Variants in RCAN2 observed in about 807,000 individuals in gnomAD.
RCAN2 encodes calcipressin-2.
A neutral mutation model predicts 23.6 loss-of-function variants in RCAN2; 9 were observed. The ratio of observed to expected loss-of-function variants is 0.38; its 90% confidence interval spans 0.23 to 0.67. RCAN2 has a LOEUF of 0.67. Ranked by LOEUF, RCAN2 falls within the 30% of genes least tolerant of loss-of-function variation. The pLI, the probability that RCAN2 is intolerant of heterozygous loss-of-function variation, is 0.51. For synonymous variants in RCAN2, 109 were observed against 115.7 expected, an observed-to-expected ratio of 0.94 and a Z score of 0.37; for missense variants, 273 against 302.3, an observed-to-expected ratio of 0.90 and a Z score of 0.72.
intron 2 of RCAN2, among the ~76,000 whole-genome samples, chr6:46,364,471 A>G (rs761721835): frequency 1.3e-5 from 2 of 152,092 alleles, no homozygotes; most frequent in African/African-American, 2.4e-5. Context: ...CATATCTCCA[A>G]GTTCTCCAAT....
At chr6:46,364,081 G>A (rs1235639894) in intron 2 of RCAN2, among the ~76,000 whole-genome samples, 1 of 152,152 alleles carries the variant, frequency 6.6e-6, no homozygotes, top group African/African-American at 2.4e-5. Context: ...TGACCTGAAA[G>A]GGTGTGTTCC....
intron 1 of RCAN2, among the ~76,000 whole-genome samples, chr6:46,474,907 C>T (rs954193834): frequency 6.6e-6 from 1 of 152,134 alleles, no homozygotes; most frequent in African/African-American, 2.4e-5. Context: ...AAAGTCAAGG[C>T]TTATTTTTTC....
intron 4 of RCAN2, among the ~76,000 whole-genome samples, chr6:46,236,780 G>T (rs1298912610): frequency 1.3e-5 from 2 of 152,168 alleles, no homozygotes; most frequent in Non-Finnish European, 2.9e-5. Context: ...CCTCTTATCA[G>T]CATTCTATCA....
At chr6:46,322,910 C>T (rs1217552545) in intron 2 of RCAN2, among the ~76,000 whole-genome samples, 1 of 152,234 alleles carries the variant, frequency 6.6e-6, no homozygotes, top group African/African-American at 2.4e-5. Context: ...ACAAGGAGCG[C>T]AGGTTTTCTT....
At chr6:46,464,443 C>T (rs1768313848) in intron 1 of RCAN2, among the ~76,000 whole-genome samples, 1 of 151,954 alleles carries the variant, frequency 6.6e-6, no homozygotes, top group South Asian at 2.1e-4. Flanking sequence ...TTTGATTTGC[C>T]CTTTGGGTGT....
At chr6:46,466,084 T>C (rs1768372159) in intron 1 of RCAN2, among the ~76,000 whole-genome samples, 1 of 152,134 alleles carries the variant, frequency 6.6e-6, no homozygotes, top group Non-Finnish European at 1.5e-5. Flanking sequence ...ACGCCCCACC[T>C]GGAGACAGAA....
At chr6:46,354,636 T>G (rs1042157002) in intron 2 of RCAN2, among the ~76,000 whole-genome samples, 51 of 152,334 alleles carry the variant, frequency 3.3e-4, no homozygotes, top group Middle Eastern at 3.4e-3. Context: ...GATGCCAGAA[T>G]CAGTCTCTTT....
intron 2 of RCAN2, among the ~76,000 whole-genome samples, chr6:46,443,337 T>C (rs982834328): frequency 6.6e-6 from 1 of 152,200 alleles, no homozygotes; most frequent in African/African-American, 2.4e-5. Flanking sequence ...TGAATTATTA[T>C]CTTCATATTT....
intron 2 of RCAN2, among the ~76,000 whole-genome samples, chr6:46,349,144 A>G (rs1764574713): frequency 6.6e-6 from 1 of 152,212 alleles, no homozygotes; most frequent in Non-Finnish European, 1.5e-5. Context: ...CTTGTTTCAC[A>G]GCTTTTATTG....
intron 2 of RCAN2, among the ~76,000 whole-genome samples, chr6:46,291,879 T>A (rs1762571465): frequency 6.6e-6 from 1 of 152,072 alleles, no homozygotes; most frequent in African/African-American, 2.4e-5. Flanking sequence ...TACGTGGAAT[T>A]TGAGGTGGTA....
chr6:46,435,734 G>A (rs1767345257), intron 2 of RCAN2, among the ~76,000 whole-genome samples: 1 of 152,248 alleles, frequency 6.6e-6, no homozygotes, highest in South Asian at 2.1e-4. Flanking sequence ...TGCAACGACA[G>A]AATGGAAAGC....
chr6:46,396,299 G>T (rs915359496), intron 2 of RCAN2, among the ~76,000 whole-genome samples: 1 of 152,158 alleles, frequency 6.6e-6, no homozygotes, highest in Non-Finnish European at 1.5e-5. Context: ...AACACCTAAA[G>T]CTTCTGTCCT....
chr6:46,446,877 G>A (rs1281104972), intron 2 of RCAN2, among the ~76,000 whole-genome samples: 3 of 152,082 alleles, frequency 2.0e-5, no homozygotes, highest in Non-Finnish European at 2.9e-5. Flanking sequence ...AGCCACTATA[G>A]AAAATCATCT....
At chr6:46,445,014 A>C (rs1021525763) in intron 2 of RCAN2, among the ~76,000 whole-genome samples, 10 of 152,168 alleles carry the variant, frequency 6.6e-5, no homozygotes, top group African/African-American at 9.7e-5. Context: ...CACAGGGTCC[A>C]GGCCTACCAC....
Position 46,334,106 on chromosome 6 carries a change from A to G in RCAN2, c.226-85210T>C, listed in dbSNP as rs543494294. Among the ~76,000 whole-genome samples, 11 of 152,206 alleles carry G rather than the reference A, an allele frequency of 7.2e-5. No individual in the cohort carries two copies. The South Asian group carries it at 8.3e-4, about 11-fold the overall frequency. ...CAGGGTTCATCTTTCCACAGCATTCATGTCTCTGCTTAAATGTCCCTCCTC... is the reference window on the plus strand; with the variant it reads ...CAGGGTTCATCTTTCCACAGCATTCGTGTCTCTGCTTAAATGTCCCTCCTC... On this transcript the variant is annotated intron_variant, in intron 2 of 4. Coordinates refer to ENST00000371374, the MANE Select transcript of RCAN2 (RefSeq NM_001251974.2).
chr6:46,463,951 T>A (rs1393762923), intron 1 of RCAN2, among the ~76,000 whole-genome samples: 1 of 152,134 alleles, frequency 6.6e-6, no homozygotes, highest in Non-Finnish European at 1.5e-5. Flanking sequence ...AATAAAAAAA[T>A]ATGCCTTGAT....
At chr6:46,295,089 A>G (rs1277363125) in intron 2 of RCAN2, among the ~76,000 whole-genome samples, 4 of 152,112 alleles carry the variant, frequency 2.6e-5, no homozygotes, top group African/African-American at 9.7e-5. Flanking sequence ...CTAAAGGGGC[A>G]CAGGAGGAAG....
intron 2 of RCAN2, among the ~76,000 whole-genome samples, chr6:46,344,326 T>A (rs1764419423): frequency 6.6e-6 from 1 of 152,080 alleles, no homozygotes; most frequent in Admixed American, 6.5e-5. Context: ...CTAGAAATGA[T>A]TTTTTTCACA....
At chr6:46,354,601 A>G (rs1414204280) in intron 2 of RCAN2, among the ~76,000 whole-genome samples, 1 of 152,256 alleles carries the variant, frequency 6.6e-6, no homozygotes, top group Non-Finnish European at 1.5e-5. Context: ...CTCTGGACCA[A>G]TTAAGTCAGA....
Sources: allele counts gnomAD v4.1 joint callset (sites outside exome capture counted in the v4.1 genomes callset), GRCh38; gene constraint gnomAD v4.1.1; transcripts MANE v1.5; gene names NCBI Gene and HGNC (gene_info 2026-07-23, HGNC 2026-07-21).